Variants in PDLIM1 observed in about 807,000 individuals in gnomAD.
PDLIM1 encodes the protein PDZ and LIM domain protein 1.
A neutral mutation model predicts 35.2 loss-of-function variants in PDLIM1; 25 were observed. The ratio of observed to expected loss-of-function variants is 0.71; its 90% confidence interval spans 0.52 to 0.99. The LOEUF is 0.99. Ranked by LOEUF, PDLIM1 falls within the 50% of genes least tolerant of loss-of-function variation. The probability of loss-of-function intolerance (pLI) is 0.00; values close to 1 mark genes in which losing one functional copy is unlikely to be tolerated. For synonymous variants in PDLIM1, 152 were observed against 154.0 expected (o/e 0.99, Z 0.10); for missense variants, 363 against 415.3 (o/e 0.87, Z 1.09).
intron 6 of PDLIM1, 52 bp downstream of exon 6, chr10:95,238,516 T>G (rs375724368): frequency 5.4e-4 from 608 of 1,126,054 alleles, no homozygotes; most frequent in Non-Finnish European, 7.7e-4. Context: ...CACATTTTCA[T>G]GGTTTACCCA....
At chr10:95,265,669 C>T (rs2133427800) in intron 3 of PDLIM1, among the ~76,000 whole-genome samples, 1 of 149,404 alleles carries the variant, frequency 6.7e-6, no homozygotes, top group African/African-American at 2.5e-5. Flanking sequence ...AATCCCAACA[C>T]TTTGGGAGTC....
intron 5 of PDLIM1, among the ~76,000 whole-genome samples, chr10:95,239,180 C>T (rs1222937211): frequency 6.6e-6 from 1 of 152,208 alleles, no homozygotes; most frequent in East Asian, 1.9e-4. Flanking sequence ...CTTCTTTACA[C>T]CATATATAAA....
At chr10:95,271,970 T>C (rs540477696) in intron 1 of PDLIM1, among the ~76,000 whole-genome samples, 186 bp from the exon 2 acceptor site, 9 of 152,296 alleles carry the variant, frequency 5.9e-5, no homozygotes, top group African/African-American at 1.9e-4. Flanking sequence ...TATGATCTCA[T>C]TGTATCCCTA....
In PDLIM1 at chr10:95,290,401, C is replaced by T. The variant is rs1348096451; in HGVS notation, c.96+419G>A. Reference sequence around the variant, plus strand: ...ACCCCAGTAAACTTCCCACCCACCCCACCTCACTTTCCAGGTCTTTCCTGT... The same window carrying T: ...ACCCCAGTAAACTTCCCACCCACCCTACCTCACTTTCCAGGTCTTTCCTGT... On this transcript the variant is annotated intron_variant, in intron 1 of 6. Transcript: ENST00000329399. This position sits in a 1 kb window ranked among gnomAD's most constrained non-coding sequence, Gnocchi z 4.7. Among the ~76,000 whole-genome samples the T allele has an allele frequency of 2.0e-5, 3 of 151,942 alleles. No individual in the cohort carries two copies. Among genetic ancestry groups the T allele is most frequent in the South Asian group, 2.1e-4 (1 of 4,806 alleles).
intron 4 of PDLIM1, among the ~76,000 whole-genome samples, chr10:95,255,617 G>A (rs2133419464): frequency 6.6e-6 from 1 of 152,192 alleles, no homozygotes; most frequent in African/African-American, 2.4e-5. Flanking sequence ...AAACAGGAAT[G>A]AAAGGAAATT....
At chr10:95,269,258 C>T (rs997858356) in intron 2 of PDLIM1, among the ~76,000 whole-genome samples, 1 of 152,184 alleles carries the variant, frequency 6.6e-6, no homozygotes, top group Admixed American at 6.5e-5. Context: ...ATTTGTGAAG[C>T]CTGTTTGACC....
At chr10:95,288,826 T>TA in intron 1 of PDLIM1, among the ~76,000 whole-genome samples, 1 of 152,374 alleles carries the variant, frequency 6.6e-6, no homozygotes, top group Non-Finnish European at 1.5e-5. Flanking sequence ...AAGGGCATTA[T>TA]AAAGATTAGT....
chr10:95,239,957 G>C lies in PDLIM1; in HGVS notation c.686-1272C>G, dbSNP rs530458881. On this transcript the variant is annotated intron_variant, in intron 5 of 6. Transcript: ENST00000329399. ...CACAATGAGATACCGACTCACGCCA[G>C]TCTGAATGGCTATTATTAAAAAGTA... Among the ~76,000 whole-genome samples the C allele has an allele frequency of 1.8e-3, 278 of 152,306 alleles. 2 individuals carry two copies. Among genetic ancestry groups the C allele is most frequent in the Non-Finnish European group, 3.7e-3 (249 of 68,036 alleles).
chr10:95,245,990 G>A (rs900157004), intron 5 of PDLIM1, among the ~76,000 whole-genome samples: 1 of 152,200 alleles, frequency 6.6e-6, no homozygotes, highest in African/African-American at 2.4e-5. Flanking sequence ...CAGCCTGGCT[G>A]AGGCAGGTCT....
At chr10:95,262,017 A>G (rs1299044433) in intron 4 of PDLIM1, among the ~76,000 whole-genome samples, 1 of 152,024 alleles carries the variant, frequency 6.6e-6, no homozygotes, top group Non-Finnish European at 1.5e-5. Flanking sequence ...TCAAAAAAAA[A>G]AAAAAAGAAA....
intron 3 of PDLIM1, among the ~76,000 whole-genome samples, chr10:95,266,605 A>G (rs980894477): frequency 6.6e-6 from 1 of 152,212 alleles, no homozygotes; most frequent in Non-Finnish European, 1.5e-5. Flanking sequence ...GTGAGTTACT[A>G]GAGTGTCAAG....
At chr10:95,249,167 C>T (rs753239937) in intron 4 of PDLIM1, among the ~76,000 whole-genome samples, 1 of 152,232 alleles carries the variant, frequency 6.6e-6, no homozygotes, top group African/African-American at 2.4e-5. Context: ...AGTGAACGAA[C>T]ACTGCAGAAT....
At chr10:95,276,981 G>A (rs1456634441) in intron 1 of PDLIM1, among the ~76,000 whole-genome samples, 3 of 150,398 alleles carry the variant, frequency 2.0e-5, no homozygotes, top group Non-Finnish European at 4.4e-5. Context: ...GGGAGACCAA[G>A]GTAAGTGGCT....
intron 1 of PDLIM1, chr10:95,273,429 C>G (rs45444897): frequency 1.3e-5 from 2 of 152,140 alleles, no homozygotes; most frequent in African/African-American, 4.8e-5. Context: ...TAGCCCTCAG[C>G]GCAGCTAGTG....
At chr10:95,259,242 T>C (rs2035341940) in intron 4 of PDLIM1, among the ~76,000 whole-genome samples, 1 of 152,196 alleles carries the variant, frequency 6.6e-6, no homozygotes, top group Non-Finnish European at 1.5e-5. Flanking sequence ...TGCAAGTGAA[T>C]CTACAATTAT....
chr10:95,280,831 A>C lies in PDLIM1; in HGVS notation c.97-9047T>G, dbSNP rs45455900. ...GAGTTGGCTCTAAACCTCAGGCCAG[A>C]AATCAACCCCACTCACCAATACTCA... On this transcript the variant is annotated intron_variant, in intron 1 of 6. Coordinates refer to ENST00000329399, the MANE Select transcript of PDLIM1 (RefSeq NM_020992.4). Among the ~76,000 whole-genome samples, 520 of 152,340 alleles carry C rather than the reference A, an allele frequency of 3.4e-3. 5 individuals carry two copies. Among genetic ancestry groups the C allele is most frequent in the African/African-American group, 0.012 (506 of 41,586 alleles).
chr10:95,262,593 C>G (rs2133425214), intron 4 of PDLIM1, among the ~76,000 whole-genome samples: 1 of 147,140 alleles, frequency 6.8e-6, no homozygotes, highest in South Asian at 2.3e-4. Context: ...CAGCTGCCAC[C>G]CCCACCCCCA....
intron 4 of PDLIM1, among the ~76,000 whole-genome samples, chr10:95,256,994 G>GAAAAGAAAAGAAAAGAAAAGAAAAGA (rs773386796): frequency 3.0e-4 from 33 of 110,254 alleles, no homozygotes; most frequent in South Asian, 8.6e-4. Context: ...AAAAAAGAAA[G>GAAAAGAAAAGAAAAGAAAAGAAAAGA]AAAGAAAGAA....
chr10:95,282,743 C>T (rs1589520555), intron 1 of PDLIM1, among the ~76,000 whole-genome samples: 1 of 152,234 alleles, frequency 6.6e-6, no homozygotes, highest in East Asian at 1.9e-4. Context: ...AGTTCAAGGC[C>T]AGCCTGTTCA....
Sources: allele counts gnomAD v4.1 joint callset (sites outside exome capture counted in the v4.1 genomes callset), GRCh38; gene constraint gnomAD v4.1.1; non-coding constraint Gnocchi (gnomAD v3.1); transcripts MANE v1.5; gene names NCBI Gene and HGNC (gene_info 2026-07-23, HGNC 2026-07-21).